Variants in PDZD2 observed in about 807,000 individuals in gnomAD.
The protein encoded by PDZD2 is PDZ domain containing 2.
Under a neutral mutation model 220.7 loss-of-function variants are expected in PDZD2, and 90 were observed. The observed-to-expected ratio is 0.41, with a 90% CI of 0.34 to 0.49. PDZD2 has a LOEUF of 0.49. PDZD2 is among the 20% of genes least tolerant of loss of function. PDZD2 has a pLI of 0.28. For synonymous variants in PDZD2, 1,375 were observed against 1,450.5 expected (o/e 0.95, Z 1.18); for missense variants, 3,174 against 3,608.5 (o/e 0.88, Z 3.08).
At chr5:31,925,725 A>G (rs1744696991) in intron 2 of PDZD2, among the ~76,000 whole-genome samples, 1 of 151,912 alleles carries the variant, frequency 6.6e-6, no homozygotes, top group Non-Finnish European at 1.5e-5. Flanking sequence ...AAGGTCTAAT[A>G]CTAGAATCTA....
chr5:31,975,763 GTAT>G (rs1463266253), intron 2 of PDZD2, among the ~76,000 whole-genome samples: 1 of 145,542 alleles, frequency 6.9e-6, no homozygotes, highest in Non-Finnish European at 1.5e-5. Context: ...TTCAGGAAAG[GTAT>G]TATGAGCACA....
At chr5:31,701,574 C>T (rs1334101043) in intron 1 of PDZD2, among the ~76,000 whole-genome samples, 1 of 152,190 alleles carries the variant, frequency 6.6e-6, no homozygotes, top group Admixed American at 6.5e-5. Context: ...ATCCCTTCCA[C>T]ATCCTAAAGC....
rs1425574358 is a variant in PDZD2 at position 32,098,125 on chromosome 5, G to A, written c.7948-239G>A. 1.3e-5 allele frequency among the ~76,000 whole-genome samples: 2 copies of A among 152,122 alleles called. No homozygotes were observed. The highest frequency in any genetic ancestry group is 2.9e-5 in the Non-Finnish European group (2 of 68,018). On this transcript the variant is annotated intron_variant, in intron 22 of 24. Coordinates refer to ENST00000438447, the MANE Select transcript of PDZD2 (RefSeq NM_178140.4). This position sits in a 1 kb window ranked among gnomAD's most constrained non-coding sequence, Gnocchi z 4.1. ...ATACAAAAATTAACTTGGCATAGTG[G>A]TGTGTGCCTATAATCCCAGCTACTC...
At chr5:32,031,249 G>A (rs970955879) in intron 6 of PDZD2, among the ~76,000 whole-genome samples, 2 of 152,076 alleles carry the variant, frequency 1.3e-5, no homozygotes, top group African/African-American at 4.8e-5. Flanking sequence ...ACTGTGCTCT[G>A]GGACTTCACA....
At chr5:32,059,108 T>C (rs1314678232) in intron 12 of PDZD2, 131 bp from the exon 13 acceptor site, 7 of 589,058 alleles carry the variant, frequency 1.2e-5, no homozygotes, top group African/African-American at 1.1e-4. Flanking sequence ...GGATTTACAT[T>C]CTGAGTCTGG....
At chr5:31,797,579 C>T (rs6882690) in intron 1 of PDZD2, among the ~76,000 whole-genome samples, 11,761 of 152,028 alleles carry the variant, frequency 0.077, 596 homozygotes, top group South Asian at 0.19. Context: ...GCGATCCTCC[C>T]GCCTAACCCT....
chr5:31,710,764 C>A, intron 1 of PDZD2, among the ~76,000 whole-genome samples: 1 of 150,478 alleles, frequency 6.6e-6, no homozygotes, highest in South Asian at 2.1e-4. Flanking sequence ...TGCAGTGAGC[C>A]GGGATCGCGC....
chr5:31,882,328 C>T (rs948193172), intron 2 of PDZD2, among the ~76,000 whole-genome samples: 1 of 152,152 alleles, frequency 6.6e-6, no homozygotes, highest in Non-Finnish European at 1.5e-5. Context: ...GAGAAAAGGA[C>T]CTCAGACCAA....
At chr5:32,102,238 C>T (rs1395473883) in intron 24 of PDZD2, among the ~76,000 whole-genome samples, 4 of 152,030 alleles carry the variant, frequency 2.6e-5, no homozygotes, top group Non-Finnish European at 5.9e-5. Flanking sequence ...CGGAGGATGA[C>T]AGAGAAATGT....
chr5:31,852,647 A>G (rs1758128180), intron 2 of PDZD2, among the ~76,000 whole-genome samples: 2 of 152,098 alleles, frequency 1.3e-5, no homozygotes, highest in African/African-American at 2.4e-5. Flanking sequence ...CCCAGGCTGG[A>G]GTGCAGTGAT....
intron 2 of PDZD2, among the ~76,000 whole-genome samples, chr5:31,890,721 G>A (rs993307935): frequency 1.3e-5 from 2 of 152,160 alleles, no homozygotes; most frequent in Non-Finnish European, 2.9e-5. Context: ...AATGAGTGGC[G>A]AGAGTTGGGA....
intron 24 of PDZD2, among the ~76,000 whole-genome samples, chr5:32,101,734 T>TG (rs1744271749): frequency 6.6e-6 from 1 of 152,096 alleles, no homozygotes; most frequent in Admixed American, 6.5e-5. Context: ...ATAGCCTTTG[T>TG]GGGAAAAAAA....
chr5:31,764,660 G>C (rs909404785), intron 1 of PDZD2, among the ~76,000 whole-genome samples: 27 of 152,296 alleles, frequency 1.8e-4, no homozygotes, highest in Admixed American at 1.2e-3. Context: ...ACTTCATGCT[G>C]TCTCAGACTC....
chr5:32,034,393 C>G lies in PDZD2; in HGVS notation c.1408-2838C>G, dbSNP rs546747273. 3.4e-5 allele frequency among the ~76,000 whole-genome samples: 5 copies of G among 145,948 alleles called. No homozygotes were observed. In the South Asian group the frequency reaches 1.1e-3, roughly 32 times the overall value. On this transcript the variant is annotated intron_variant, in intron 6 of 24. Coordinates refer to ENST00000438447, the MANE Select transcript of PDZD2 (RefSeq NM_178140.4). ...TTTTTTTTTGACACAGAGTCTCGCT[C>G]TGTCACCCAGGCTGGAGTGCAGTGG...
At chr5:32,095,748 T>C (rs1027461254) in intron 21 of PDZD2, among the ~76,000 whole-genome samples, 10 of 151,674 alleles carry the variant, frequency 6.6e-5, no homozygotes, top group Admixed American at 6.6e-4. Context: ...CCTTTTTTTT[T>C]TTCTTTTCTT....
intron 1 of PDZD2, among the ~76,000 whole-genome samples, chr5:31,764,113 G>A (rs1040144386): frequency 3.9e-5 from 6 of 152,076 alleles, no homozygotes; most frequent in African/African-American, 1.4e-4. Context: ...GGGACTCAGG[G>A]AACCTGAAAC....
chr5:31,739,529 G>A (rs565712406), intron 1 of PDZD2, among the ~76,000 whole-genome samples: 4 of 151,948 alleles, frequency 2.6e-5, no homozygotes, highest in African/African-American at 9.7e-5. Context: ...GAAGATATGA[G>A]GAGACTTCAA....
In PDZD2 at chr5:32,077,498, G is replaced by A; in HGVS notation, c.3574G>A (p.Val1192Ile). 1 of 1,613,958 alleles carries A rather than the reference G, an allele frequency of 6.2e-7. No homozygotes were observed. The highest frequency in any genetic ancestry group is 8.5e-7 in the Non-Finnish European group (1 of 1,179,882). Reference protein sequence around the residue: ...LGKLTTGDACVSTSCELASAL... With the variant: ...LGKLTTGDACISTSCELASAL... The stretch of plus-strand genomic sequence containing the variant: ...AAAGCTGACCACTGGAGATGCTTGT[G>A]TCTCTACCAGCTGTGAACTAGCCAG... Residue 1192 changes from valine to isoleucine, a missense_variant, in exon 19 of 25, where the codon GTC (valine) becomes ATC (isoleucine). Coordinates refer to ENST00000438447, the MANE Select transcript of PDZD2 (RefSeq NM_178140.4).
chr5:31,737,489 A>T (rs191312346), intron 1 of PDZD2, among the ~76,000 whole-genome samples: 34 of 152,188 alleles, frequency 2.2e-4, no homozygotes, highest in African/African-American at 8.2e-4. Context: ...TCTACTTCTT[A>T]TAGGGAAAGG....
Sources: gnomAD v4.1 joint callset for allele counts (sites outside exome capture counted in the v4.1 genomes callset) on GRCh38, gnomAD v4.1.1 for gene constraint, Gnocchi (gnomAD v3.1) non-coding constraint, MANE v1.5 for transcripts, NCBI Gene and HGNC (gene_info 2026-07-23, HGNC 2026-07-21) for gene names.